PPP4R4: variants seen among roughly 807,000 people sequenced by gnomAD.
PPP4R4 encodes serine/threonine-protein phosphatase 4 regulatory subunit 4.
A neutral mutation model predicts 121.8 loss-of-function variants in PPP4R4; 70 were observed. That is an observed-to-expected ratio of 0.57 (90% CI 0.47 to 0.70). PPP4R4 has a LOEUF of 0.70. Among genes scored for constraint, PPP4R4 ranks in the 30% least tolerant of loss-of-function variants. The probability of loss-of-function intolerance (pLI) is 0.00; values close to 1 mark genes in which losing one functional copy is unlikely to be tolerated. For missense variants in PPP4R4, 875 were observed against 1,033.6 expected (o/e 0.85, Z 2.10); for synonymous variants, 348 against 355.7 (o/e 0.98, Z 0.24).
In PPP4R4 at chr14:94,246,332, AT is replaced by A. The variant is rs749238540; in HGVS notation, c.1429-19del. On this transcript the variant is annotated intron_variant, in intron 13 of 24. Transcript: ENST00000304338. The stretch of plus-strand genomic sequence containing the variant: ...GAGTGCTGCAATTTATTTATAATTG[AT>A]TTTTTGATGCGTTTCATTTTCAGTT... The A allele has an allele frequency of 8.4e-4, 1,321 of 1,578,288 alleles. 4 individuals are homozygous for A. The highest frequency in any genetic ancestry group is 7.8e-4 in the Non-Finnish European group (913 of 1,165,454).
At chr14:94,220,457 G>A (rs1249315900) in intron 3 of PPP4R4, among the ~76,000 whole-genome samples, 2 of 151,934 alleles carry the variant, frequency 1.3e-5, no homozygotes, top group Non-Finnish European at 2.9e-5. Context: ...AAGAAGTAAA[G>A]CTGTCTTTTT....
At chr14:94,251,626 T>G in intron 15 of PPP4R4, 123 bp from the exon 16 acceptor site, 1 of 701,544 alleles carries the variant, frequency 1.4e-6, no homozygotes, top group Non-Finnish European at 2.3e-6. Context: ...CTCTTATGTC[T>G]TGTATTTGCT....
chr14:94,188,862 T>C (rs1023141867), intron 2 of PPP4R4, among the ~76,000 whole-genome samples: 1 of 152,172 alleles, frequency 6.6e-6, no homozygotes, highest in African/African-American at 2.4e-5. Flanking sequence ...TAATTTATTT[T>C]TTCTCAATTT....
chr14:94,216,099 T>C (rs1480815182), intron 3 of PPP4R4, among the ~76,000 whole-genome samples: 1 of 152,238 alleles, frequency 6.6e-6, no homozygotes, highest in Non-Finnish European at 1.5e-5. Context: ...GAAATTACTT[T>C]AAATGTGTAG....
At chr14:94,275,763 A>G (rs1894605520) in intron 24 of PPP4R4, among the ~76,000 whole-genome samples, 1 of 152,190 alleles carries the variant, frequency 6.6e-6, no homozygotes, top group Admixed American at 6.5e-5. Flanking sequence ...GGCTCCCACT[A>G]ATGTCTGAAA....
chr14:94,277,949 A>G (rs936110659), intron 24 of PPP4R4, among the ~76,000 whole-genome samples: 5 of 152,182 alleles, frequency 3.3e-5, no homozygotes, highest in Non-Finnish European at 7.3e-5. Context: ...GTTTGTAACT[A>G]TATTTCCATC....
intron 23 of PPP4R4, among the ~76,000 whole-genome samples, chr14:94,274,309 C>T (rs542569425): frequency 1.0e-3 from 154 of 151,818 alleles, no homozygotes; most frequent in African/African-American, 3.5e-3. Context: ...AAAATTAAAG[C>T]GTCTGGGCTT....
intron 18 of PPP4R4, 110 bp from the exon 19 acceptor site, chr14:94,259,185 T>C (rs1893637917): frequency 1.4e-6 from 2 of 1,481,020 alleles, no homozygotes; most frequent in East Asian, 2.5e-5. Context: ...AAGATGAAAT[T>C]TGGATGGGGA....
At chr14:94,204,965 G>A (rs1377170992) in intron 2 of PPP4R4, among the ~76,000 whole-genome samples, 2 of 152,138 alleles carry the variant, frequency 1.3e-5, no homozygotes, top group Non-Finnish European at 2.9e-5. Context: ...TTGCATCCCT[G>A]CAATAAACTT....
chr14:94,234,715 C>T (rs1199972418), intron 7 of PPP4R4, 46 bp downstream of exon 7: 1 of 1,279,818 alleles, frequency 7.8e-7, no homozygotes, highest in South Asian at 1.2e-5. Context: ...GAAAACATGC[C>T]ATTGAAAGGC....
chr14:94,252,001 G>C, intron 16 of PPP4R4, 105 bp downstream of exon 16: 2 of 943,824 alleles, frequency 2.1e-6, no homozygotes, highest in Non-Finnish European at 3.1e-6. Flanking sequence ...CTTAAGTCAA[G>C]AATTTACACG....
chr14:94,215,687 AAAT>A (rs1890984001), intron 3 of PPP4R4, among the ~76,000 whole-genome samples: 2 of 152,328 alleles, frequency 1.3e-5, no homozygotes, highest in South Asian at 4.1e-4. Flanking sequence ...TTCACTCAGA[AAAT>A]AAAAGTATTA....
intron 19 of PPP4R4, among the ~76,000 whole-genome samples, chr14:94,262,422 T>G (rs746059612): frequency 3.9e-5 from 6 of 152,008 alleles, no homozygotes; most frequent in Non-Finnish European, 7.4e-5. Context: ...ATTTCCTCTC[T>G]CCTTTTTTTG....
intron 19 of PPP4R4, among the ~76,000 whole-genome samples, chr14:94,262,017 T>C (rs1316236155): frequency 2.0e-5 from 3 of 151,968 alleles, no homozygotes; most frequent in Non-Finnish European, 4.4e-5. Flanking sequence ...CTTTTTGTCA[T>C]TTTTGGGATT....
rs374929294 is a variant in PPP4R4, at chr14:94,192,595, A to G, written c.192-15869A>G. Among the ~76,000 whole-genome samples the G allele has an allele frequency of 7.9e-5, 12 of 152,274 alleles. No homozygotes were observed. In the East Asian group the frequency reaches 9.6e-4, roughly 12 times the overall value. ...GCACAGTATCAGCAGCTTATGAGTTATATTTTGGATTTTAAGTGAGAGCTG... is the reference window on the plus strand; with the variant it reads ...GCACAGTATCAGCAGCTTATGAGTTGTATTTTGGATTTTAAGTGAGAGCTG... On this transcript the variant is annotated intron_variant, in intron 2 of 24. Transcript: ENST00000304338.
intron 3 of PPP4R4, among the ~76,000 whole-genome samples, chr14:94,212,170 A>G (rs1441143896): frequency 1.3e-5 from 2 of 152,202 alleles, no homozygotes; most frequent in African/African-American, 4.8e-5. Context: ...CTTATGTATT[A>G]TAAACTTTCA....
rs1894029195 is a variant in PPP4R4, at chr14:94,265,946, T to C, written c.2378+59T>C. The C allele has an allele frequency of 3.6e-6, 4 of 1,106,710 alleles. No individual in the cohort carries two copies. The African/African-American group carries it at 6.6e-5, about 18-fold the overall frequency. The allele number at this position is 1,106,710 out of a possible 1,614,324, so 68.6% of individuals were successfully genotyped here. The stretch of plus-strand genomic sequence containing the variant: ...ATTTTTATCTTTATTCACATCTTCA[T>C]ATATATGAGTTTACATTTTATAAAA... On this transcript the variant is annotated intron_variant, in intron 22 of 24. Transcript: ENST00000304338.
At chr14:94,216,049 A>G (rs997953313) in intron 3 of PPP4R4, among the ~76,000 whole-genome samples, 1 of 152,144 alleles carries the variant, frequency 6.6e-6, no homozygotes, top group African/African-American at 2.4e-5. Context: ...GTCATTTGTT[A>G]TTTTTACCCT....
intron 2 of PPP4R4, among the ~76,000 whole-genome samples, chr14:94,204,358 G>T (rs1041120299): frequency 1.3e-5 from 2 of 151,934 alleles, no homozygotes; most frequent in African/African-American, 4.8e-5. Context: ...CTACTGGATT[G>T]TCTCTGCACT....
Sources: gnomAD v4.1 joint callset for allele counts (sites outside exome capture counted in the v4.1 genomes callset) on GRCh38, gnomAD v4.1.1 for gene constraint, MANE v1.5 for transcripts, NCBI Gene and HGNC (gene_info 2026-07-23, HGNC 2026-07-21) for gene names.